The following PPARGC1A variants were observed in gnomAD, a reference collection of about 807,000 sequenced individuals.
PPARGC1A encodes peroxisome proliferator-activated receptor gamma coactivator 1-alpha.
A neutral mutation model predicts 88.7 loss-of-function variants in PPARGC1A; 25 were observed. That is an observed-to-expected ratio of 0.28 (90% confidence interval 0.21 to 0.39). The LOEUF (loss-of-function observed/expected upper bound fraction) is 0.39, where lower values mean the gene tolerates loss of function less well. Among genes scored for constraint, PPARGC1A ranks in the 10% least tolerant of loss-of-function variants. PPARGC1A has a pLI of 1.00. For missense variants in PPARGC1A, 880 were observed against 968.7 expected (o/e 0.91, Z 1.22); for synonymous variants, 363 against 355.6 (o/e 1.02, Z -0.24).
the PPARGC1A span, among the ~76,000 whole-genome samples, chr4:23,993,027 A>G: frequency 6.6e-6 from 1 of 152,168 alleles, no homozygotes; most frequent in Non-Finnish European, 1.5e-5. Context: ...TAATACTAGA[A>G]TCTAAAGGAA....
the PPARGC1A span, among the ~76,000 whole-genome samples, chr4:24,458,887 G>C: frequency 6.6e-6 from 1 of 152,102 alleles, no homozygotes; most frequent in Non-Finnish European, 1.5e-5. Context: ...ATTTACATGT[G>C]ATACCAACTT....
At chr4:23,928,236 A>T in the PPARGC1A span, among the ~76,000 whole-genome samples, 1 of 152,132 alleles carries the variant, frequency 6.6e-6, no homozygotes, top group Non-Finnish European at 1.5e-5. Flanking sequence ...TAGAGGGAAA[A>T]TCCACAATTT....
the PPARGC1A span, among the ~76,000 whole-genome samples, chr4:24,252,458 C>T: frequency 2.6e-5 from 4 of 152,226 alleles, no homozygotes; most frequent in African/African-American, 9.6e-5. Flanking sequence ...TGACAGCTTT[C>T]ACTTCTCACT....
intron 10 of PPARGC1A, among the ~76,000 whole-genome samples, chr4:23,808,753 T>G (rs1267357244): frequency 6.6e-6 from 1 of 152,184 alleles, no homozygotes; most frequent in East Asian, 1.9e-4. Flanking sequence ...TAATTACTAA[T>G]TATTAGTGTT....
chr4:24,258,180 T>G, the PPARGC1A span: 1 of 959,096 alleles, frequency 1.0e-6, no homozygotes, highest in Non-Finnish European at 1.2e-6. Context: ...GAAAATAACA[T>G]GACAATAATG....
At chr4:24,009,150 A>AAAAAAAAAAAAAAAGAGAG in the PPARGC1A span, among the ~76,000 whole-genome samples, 13 of 79,798 alleles carry the variant, frequency 1.6e-4, no homozygotes, top group African/African-American at 5.3e-4. Context: ...AAAAAAAAAA[A>AAAAAAAAAAAAAAAGAGAG]AGAGAGAGAA....
At chr4:24,446,242 T>C in the PPARGC1A span, among the ~76,000 whole-genome samples, 1 of 152,280 alleles carries the variant, frequency 6.6e-6, no homozygotes, top group Non-Finnish European at 1.5e-5. Flanking sequence ...GTCTGTTATA[T>C]TTTGTTTTTT....
At chr4:24,223,535 C>A in the PPARGC1A span, among the ~76,000 whole-genome samples, 8 of 152,178 alleles carry the variant, frequency 5.3e-5, no homozygotes, top group African/African-American at 1.9e-4. Context: ...CAGGCATAAG[C>A]CACTGCGCCT....
chr4:23,941,210 C>T, the PPARGC1A span, among the ~76,000 whole-genome samples: 4 of 152,062 alleles, frequency 2.6e-5, no homozygotes, highest in Non-Finnish European at 4.4e-5. Context: ...CAGCACAACA[C>T]CCAACAAATT....
the PPARGC1A span, among the ~76,000 whole-genome samples, chr4:24,034,901 T>C: frequency 2.7e-5 from 4 of 150,604 alleles, no homozygotes; most frequent in East Asian, 4.0e-4. Context: ...ATCTGGACAA[T>C]ATGGAAAAGC....
At chr4:23,822,505 A>G (rs147743061) in intron 7 of PPARGC1A, among the ~76,000 whole-genome samples, 2 of 152,122 alleles carry the variant, frequency 1.3e-5, no homozygotes, top group African/African-American at 4.8e-5. Context: ...TGGCCAATCA[A>G]TGTCTTTAAA....
the PPARGC1A span, among the ~76,000 whole-genome samples, chr4:24,400,817 G>C: frequency 5.3e-5 from 8 of 152,124 alleles, no homozygotes; most frequent in African/African-American, 1.9e-4. Flanking sequence ...AGATGGTGAT[G>C]ATTTTTAAAA....
the PPARGC1A span, among the ~76,000 whole-genome samples, chr4:24,387,869 G>A: frequency 0.87 from 100,259 of 115,362 alleles, 43,120 homozygotes; most frequent in Middle Eastern, 0.94. Flanking sequence ...AGAGAGAAAG[G>A]AAGAAAGAGA....
chr4:24,351,519 T>G, the PPARGC1A span, among the ~76,000 whole-genome samples: 1 of 151,992 alleles, frequency 6.6e-6, no homozygotes, highest in Non-Finnish European at 1.5e-5. Context: ...TTTAAAGAGA[T>G]ATTTTGACTA....
the PPARGC1A span, among the ~76,000 whole-genome samples, chr4:24,228,807 ACTTGTT>A: frequency 6.6e-6 from 1 of 152,200 alleles, no homozygotes; most frequent in African/African-American, 2.4e-5. Flanking sequence ...TAAGGCTGTA[ACTTGTT>A]CTTGTTATCA....
the PPARGC1A span, among the ~76,000 whole-genome samples, chr4:24,230,128 T>C: frequency 6.6e-6 from 1 of 152,212 alleles, no homozygotes; most frequent in Non-Finnish European, 1.5e-5. Flanking sequence ...TTATTACCAT[T>C]GCAATCCTAT....
At chr4:24,225,797 A>G in the PPARGC1A span, among the ~76,000 whole-genome samples, 1 of 152,260 alleles carries the variant, frequency 6.6e-6, no homozygotes, top group Admixed American at 6.5e-5. Flanking sequence ...TGGGAACATC[A>G]TAAGTTTGTG....
the PPARGC1A span, among the ~76,000 whole-genome samples, chr4:24,012,323 G>A: frequency 0.015 from 2,239 of 152,200 alleles, 64 homozygotes; most frequent in East Asian, 0.088. Context: ...TATTAGGGAA[G>A]CCAATTGTCA....
the PPARGC1A span, among the ~76,000 whole-genome samples, chr4:23,922,090 A>C: frequency 1.3e-5 from 2 of 152,210 alleles, no homozygotes; most frequent in African/African-American, 2.4e-5. Context: ...ATGGATTTTG[A>C]CCTTATGGAA....
Sources: allele counts gnomAD v4.1 joint callset (sites outside exome capture counted in the v4.1 genomes callset), GRCh38; gene constraint gnomAD v4.1.1; transcripts MANE v1.5; gene names NCBI Gene and HGNC (gene_info 2026-07-23, HGNC 2026-07-21).